THRB: variants seen among roughly 807,000 people sequenced by gnomAD.
The protein encoded by THRB is thyroid hormone receptor beta.
THRB carries 12 observed loss-of-function variants against 47.8 expected under a neutral mutation model. The ratio of observed to expected loss-of-function variants is 0.25; its 90% CI spans 0.16 to 0.41. THRB has a LOEUF of 0.41. THRB is among the 10% of genes least tolerant of loss of function. THRB has a pLI of 1.00. For missense variants in THRB, 348 were observed against 589.2 expected (o/e 0.59, Z 4.24); for synonymous variants, 218 against 212.2 (o/e 1.03, Z -0.24).
At chr3:24,323,537 C>T (rs1486296078) in intron 2 of THRB, among the ~76,000 whole-genome samples, 2 of 152,220 alleles carry the variant, frequency 1.3e-5, no homozygotes, top group South Asian at 2.1e-4. Context: ...TGAGATTCTG[C>T]ATTCCTAACC....
chr3:24,117,897 T>G lies in THRB; in HGVS notation c.*4987A>C, dbSNP rs1233039809. On this transcript the variant is annotated 3_prime_UTR_variant, in exon 11 of 11. Transcript: ENST00000646209. ...GGCAGCTGATGTTAACATAATTCCATTAGTAATATTCCTGAATAATTTGAG... is the reference window on the plus strand; with the variant it reads ...GGCAGCTGATGTTAACATAATTCCAGTAGTAATATTCCTGAATAATTTGAG... 5 of 152,230 alleles carry G rather than the reference T, an allele frequency of 3.3e-5. No homozygotes were observed. The highest frequency in any genetic ancestry group is 3.3e-4 in the Admixed American group (5 of 15,284). 9.4% of individuals were successfully genotyped at this position (152,230 alleles called of 1,614,324 possible). A position where few individuals can be genotyped will look rare whatever the true frequency, so the allele number is the denominator to read the frequency against.
intron 2 of THRB, among the ~76,000 whole-genome samples, chr3:24,299,405 T>C (rs1396333582): frequency 6.6e-6 from 1 of 151,888 alleles, no homozygotes; most frequent in Non-Finnish European, 1.5e-5. Flanking sequence ...TCTCCAGCCT[T>C]GCCTGGGGGA....
At chr3:24,421,046 C>A (rs2069213823) in intron 1 of THRB, among the ~76,000 whole-genome samples, 5 of 151,836 alleles carry the variant, frequency 3.3e-5, no homozygotes. Flanking sequence ...ATATCTTTTG[C>A]AGGAAGATGG....
At chr3:24,431,348 G>A (rs1052689981) in intron 1 of THRB, among the ~76,000 whole-genome samples, 2 of 151,104 alleles carry the variant, frequency 1.3e-5, no homozygotes, top group Non-Finnish European at 3.0e-5. Context: ...GACATGAACA[G>A]TATTTAACCA....
intron 2 of THRB, among the ~76,000 whole-genome samples, chr3:24,310,276 A>T (rs1302350348): frequency 6.6e-6 from 1 of 152,254 alleles, no homozygotes; most frequent in Non-Finnish European, 1.5e-5. Context: ...AGAATTTCCC[A>T]TGATAGGAAA....
At chr3:24,257,986 T>C (rs2051481112) in intron 3 of THRB, among the ~76,000 whole-genome samples, 1 of 152,232 alleles carries the variant, frequency 6.6e-6, no homozygotes, top group South Asian at 2.1e-4. Flanking sequence ...ATAAATGGAC[T>C]GCATGGAGAA....
At chr3:24,467,649 G>A (rs2074259753) in intron 1 of THRB, among the ~76,000 whole-genome samples, 1 of 152,196 alleles carries the variant, frequency 6.6e-6, no homozygotes, top group Non-Finnish European at 1.5e-5. Context: ...TTGTCAGTGA[G>A]GAGTCATATT....
chr3:24,200,019 G>A (rs12631325), intron 4 of THRB, among the ~76,000 whole-genome samples: 22,906 of 152,092 alleles, frequency 0.15, 1,947 homozygotes, highest in Non-Finnish European at 0.19. Context: ...AATTCATACC[G>A]GATTTAATCA....
At chr3:24,365,304 C>T (rs1464588315) in intron 1 of THRB, among the ~76,000 whole-genome samples, 1 of 152,114 alleles carries the variant, frequency 6.6e-6, no homozygotes, top group Non-Finnish European at 1.5e-5. Flanking sequence ...AGAACAGGCA[C>T]TCCCTCTGCC....
At chr3:24,135,922 A>G (rs530833082) in intron 8 of THRB, among the ~76,000 whole-genome samples, 46 of 150,198 alleles carry the variant, frequency 3.1e-4, no homozygotes, top group Non-Finnish European at 6.2e-4. Flanking sequence ...ATAAAAATAA[A>G]ATTAAGAAGT....
chr3:24,164,995 C>T (rs749957442), intron 5 of THRB: 9 of 702,754 alleles, frequency 1.3e-5, no homozygotes, highest in East Asian at 9.9e-5. Context: ...AACAGTGAAA[C>T]TTTGAACAAA....
At chr3:24,317,991 C>T (rs912332587) in intron 2 of THRB, among the ~76,000 whole-genome samples, 10 of 151,928 alleles carry the variant, frequency 6.6e-5, no homozygotes, top group Non-Finnish European at 1.0e-4. Context: ...CTCAGGAAGT[C>T]GGGTCTGCAG....
Position 24,122,615 on chromosome 3 carries a change from C to A in THRB, c.*269G>T, listed in dbSNP as rs1022521977. 4.1e-6 allele frequency: 2 copies of A among 492,122 alleles called. No homozygotes were observed. The highest frequency in any genetic ancestry group is 3.9e-5 in the African/African-American group (2 of 51,428). 30.5% of individuals were successfully genotyped at this position (492,122 alleles called of 1,614,324 possible). On this transcript the variant is annotated 3_prime_UTR_variant, in exon 11 of 11. Coordinates refer to ENST00000646209, the MANE Select transcript of THRB (RefSeq NM_001354712.2). ...GGGTGGGAGCTGGTGATGCTTGGTG[C>A]TGGTGAGTTAATGATTGTCCCCCAC... is the stretch of plus-strand genomic sequence containing the variant.
At chr3:24,226,366 A>G (rs1187900367) in intron 4 of THRB, among the ~76,000 whole-genome samples, 2 of 152,222 alleles carry the variant, frequency 1.3e-5, no homozygotes, top group African/African-American at 4.8e-5. Flanking sequence ...AGGAGGGAAA[A>G]GAACATTGTT....
At position 24,120,953 on chromosome 3, in the gene THRB, G is replaced by A. The variant is rs1291105309; in HGVS notation, c.*1931C>T. The stretch of plus-strand genomic sequence containing the variant: ...CCCAGATAATTTCCAATCATACTTG[G>A]AATTTTCAGTGCTGTTCCTCTTCTT... On this transcript the variant is annotated 3_prime_UTR_variant, in exon 11 of 11. Coordinates refer to ENST00000646209, the MANE Select transcript of THRB (RefSeq NM_001354712.2). The A allele has an allele frequency of 6.6e-6, 1 of 152,062 alleles. No homozygotes were observed. The highest frequency in any genetic ancestry group is 2.1e-4 in the South Asian group (1 of 4,806). 9.4% of individuals were successfully genotyped at this position (152,062 alleles called of 1,614,324 possible).
intron 1 of THRB, among the ~76,000 whole-genome samples, chr3:24,476,407 T>G (rs780055242): frequency 4.6e-5 from 7 of 152,374 alleles, no homozygotes; most frequent in Middle Eastern, 3.4e-3. Flanking sequence ...TTTTGTATAA[T>G]CTTTTAAATT....
chr3:24,125,175 A>G (rs2032504290), intron 10 of THRB, among the ~76,000 whole-genome samples: 1 of 152,258 alleles, frequency 6.6e-6, no homozygotes, highest in African/African-American at 2.4e-5. Context: ...TCCATTTGAC[A>G]TAAATCAGAA....
intron 1 of THRB, among the ~76,000 whole-genome samples, chr3:24,452,159 G>A (rs1449062308): frequency 6.6e-6 from 1 of 152,118 alleles, no homozygotes; most frequent in Non-Finnish European, 1.5e-5. Context: ...CAGATCTTGA[G>A]GTGAAAGGAG....
At chr3:24,373,956 T>C (rs970700080) in intron 1 of THRB, among the ~76,000 whole-genome samples, 4 of 152,242 alleles carry the variant, frequency 2.6e-5, no homozygotes, top group African/African-American at 9.6e-5. Context: ...ATTTCCCTTT[T>C]TTTTTGGTTT....
Sources: gnomAD v4.1 joint callset for allele counts (sites outside exome capture counted in the v4.1 genomes callset) on GRCh38, gnomAD v4.1.1 for gene constraint, MANE v1.5 for transcripts, NCBI Gene and HGNC (gene_info 2026-07-23, HGNC 2026-07-21) for gene names.